Variants in EDDM3A observed in about 807,000 individuals in gnomAD.
The protein encoded by EDDM3A is epididymal protein 3A.
For synonymous variants in EDDM3A, 75 were observed against 60.4 expected, an observed-to-expected ratio of 1.24 and a Z score of -1.12; for missense variants, 199 against 177.4, an observed-to-expected ratio of 1.12 and a Z score of -0.69.
chr14:20,739,099 C>T, the EDDM3A span, among the ~76,000 whole-genome samples: 3 of 152,168 alleles, frequency 2.0e-5, no homozygotes, highest in Non-Finnish European at 2.9e-5. Context: ...ATAATCTTTA[C>T]GTTACAGAGC....
chr14:20,738,705 T>C, the EDDM3A span, among the ~76,000 whole-genome samples: 7,765 of 152,178 alleles, frequency 0.051, 654 homozygotes, highest in African/African-American at 0.18. Context: ...GTAACATGTG[T>C]ATCTCACGTA....
chr14:20,742,629 C>T (rs758751409), upstream of EDDM3A, among the ~76,000 whole-genome samples: 6 of 152,162 alleles, frequency 3.9e-5, no homozygotes, highest in Non-Finnish European at 7.3e-5. Flanking sequence ...CAGGGTCTCA[C>T]TCAGTCACCC....
At chr14:20,745,525 CA>C (rs5807049), upstream of EDDM3A, among the ~76,000 whole-genome samples, 1,989 of 137,336 alleles carry the variant, frequency 0.014, 39 homozygotes, top group African/African-American at 0.05. Context: ...GACTCCATCT[CA>C]AAAAAAAAAA....
In EDDM3A at chr14:20,747,577, T is replaced by C; in HGVS notation, c.-4T>C. On this transcript the variant is annotated 5_prime_UTR_variant, in exon 2 of 2. Transcript: ENST00000326842. ...TAGACACGCAGGTGGACGTGGTGAC[T>C]GAGATGACATCCTCTCTAAAGATTT... The C allele has an allele frequency of 6.3e-7, 1 of 1,592,648 alleles. No individual in the cohort carries two copies. Among genetic ancestry groups the C allele is most frequent in the East Asian group, 2.2e-5 (1 of 44,666 alleles).
chr14:20,745,323 G>A (rs1029138928), upstream of EDDM3A, among the ~76,000 whole-genome samples: 11 of 151,558 alleles, frequency 7.3e-5, no homozygotes, highest in East Asian at 7.8e-4. Context: ...TCAGGAGATC[G>A]AGACCATCCT....
the EDDM3A span, among the ~76,000 whole-genome samples, chr14:20,737,055 T>TTTTTTC: frequency 1.6e-4 from 13 of 81,692 alleles, no homozygotes; most frequent in African/African-American, 2.6e-4. Context: ...TTCTTTTTCC[T>TTTTTTC]TTTTTTTTTT....
chr14:20,742,726 A>C (rs2139077198), upstream of EDDM3A, among the ~76,000 whole-genome samples: 1 of 152,192 alleles, frequency 6.6e-6, no homozygotes, highest in Non-Finnish European at 1.5e-5. Context: ...AGCTGAGGTT[A>C]CAGGCACGTG....
At chr14:20,746,139 T>C (rs1243685747) in intron 1 of EDDM3A, 147 bp downstream of exon 1, 2 of 152,450 alleles carry the variant, frequency 1.3e-5, no homozygotes, top group African/African-American at 4.8e-5. Context: ...GTCCCACTGA[T>C]ACAGGCTTTT....
chr14:20,737,039 T>G, the EDDM3A span, among the ~76,000 whole-genome samples: 1 of 146,700 alleles, frequency 6.8e-6, no homozygotes, highest in East Asian at 2.0e-4. Flanking sequence ...TTTCTTTTCT[T>G]TTCTTTTCTT....
chr14:20,742,111 G>C (rs1877452291), upstream of EDDM3A, among the ~76,000 whole-genome samples: 1 of 152,180 alleles, frequency 6.6e-6, no homozygotes, highest in African/African-American at 2.4e-5. Context: ...AGTGTCCCCA[G>C]ATCAAGCCCG....
At chr14:20,747,421 A>G in intron 1 of EDDM3A, 134 bp from the exon 2 acceptor site, 1 of 602,006 alleles carries the variant, frequency 1.7e-6, no homozygotes, top group Admixed American at 3.1e-5. Context: ...TTTAATGAGA[A>G]TCATCATCTT....
chr14:20,741,885 G>C (rs1476039972), upstream of EDDM3A, among the ~76,000 whole-genome samples: 1 of 152,096 alleles, frequency 6.6e-6, no homozygotes, highest in Non-Finnish European at 1.5e-5. Flanking sequence ...ACACACACTT[G>C]TTCAAATTGT....
chr14:20,738,420 G>A, the EDDM3A span, among the ~76,000 whole-genome samples: 16,176 of 151,862 alleles, frequency 0.11, 1,002 homozygotes, highest in East Asian at 0.28. Context: ...GCAGTGAGCC[G>A]AGATTGTGCC....
the EDDM3A span, among the ~76,000 whole-genome samples, chr14:20,738,686 CAG>C: frequency 6.6e-6 from 1 of 151,992 alleles, no homozygotes; most frequent in Non-Finnish European, 1.5e-5. Flanking sequence ...GAAAAACAAA[CAG>C]AATGTGGTAA....
chr14:20,745,569 A>G (rs558624558), upstream of EDDM3A, among the ~76,000 whole-genome samples: 134 of 151,606 alleles, frequency 8.8e-4, no homozygotes, highest in African/African-American at 3.2e-3. Flanking sequence ...GTTCCCATGT[A>G]ACATAGCATA....
chr14:20,737,022 A>G, the EDDM3A span, among the ~76,000 whole-genome samples: 1 of 148,252 alleles, frequency 6.7e-6, no homozygotes, highest in Non-Finnish European at 1.5e-5. Context: ...CTAGAGATGC[A>G]GACTTCTTTC....
At chr14:20,746,370 C>CTA (rs147928292) in intron 1 of EDDM3A, among the ~76,000 whole-genome samples, 5,915 of 152,130 alleles carry the variant, frequency 0.039, 372 homozygotes, top group African/African-American at 0.14. Context: ...GTGATTAGGC[C>CTA]TATCTGAGGA....
chr14:20,745,029 C>T (rs142924529), upstream of EDDM3A, among the ~76,000 whole-genome samples: 11 of 152,202 alleles, frequency 7.2e-5, no homozygotes, highest in South Asian at 1.7e-3. Flanking sequence ...CAAGACCAAC[C>T]TGGCCAACAT....
At chr14:20,739,124 C>T in the EDDM3A span, among the ~76,000 whole-genome samples, 1 of 152,208 alleles carries the variant, frequency 6.6e-6, no homozygotes. Context: ...CTTGTGGCGG[C>T]ATATTCTGAT....
Sources: gnomAD v4.1 joint callset for allele counts (sites outside exome capture counted in the v4.1 genomes callset) on GRCh38, gnomAD v4.1.1 for gene constraint, MANE v1.5 for transcripts, NCBI Gene and HGNC (gene_info 2026-07-23, HGNC 2026-07-21) for gene names.